MAGED2: variants seen among roughly 807,000 people sequenced by gnomAD.
MAGED2 encodes the protein MAGE family member D2, also known as melanoma-associated antigen D2.
In MAGED2, 6 loss-of-function variants were observed where a neutral mutation model predicts 41.7. The observed-to-expected ratio is 0.14, with a 90% CI of 0.08 to 0.28. The LOEUF (loss-of-function observed/expected upper bound fraction) is 0.28. Among genes scored for constraint, MAGED2 ranks in the 10% least tolerant of loss-of-function variants. The pLI, the probability that MAGED2 is intolerant of heterozygous loss-of-function variation, is 1.00. For synonymous variants in MAGED2, 146 were observed against 178.2 expected, an observed-to-expected ratio of 0.82 and a Z score of 1.44; for missense variants, 343 against 486.4, an observed-to-expected ratio of 0.71 and a Z score of 2.77.
chrX:54,809,665 AT>A, intron 2 of MAGED2, 56 bp from the exon 3 acceptor site: 1 of 1,161,540 alleles, frequency 8.6e-7, no homozygotes, highest in Non-Finnish European at 1.1e-6. Context: ...TTTTGGAGCC[AT>A]TTGCTTAGTT....
intron 1 of MAGED2, chrX:54,808,931 G>A: frequency 4.2e-6 from 1 of 236,216 alleles, no homozygotes; most frequent in Non-Finnish European, 7.9e-6. Flanking sequence ...AGAGCCAGCT[G>A]CTGAATGCGC....
chrX:54,813,625 G>A (rs1424390979), intron 10 of MAGED2, 75 bp downstream of exon 10: 1 of 809,094 alleles, frequency 1.2e-6, no homozygotes, highest in Non-Finnish European at 1.9e-6. Context: ...AAGCCGTGGT[G>A]CATGGATGCA....
chrX:54,811,067 C>A lies in MAGED2; in HGVS notation c.784C>A (p.Leu262Ile). Residue 262 changes from leucine to isoleucine, a missense_variant, in exon 4 of 13, where the codon CTC (leucine) becomes ATC (isoleucine). By Grantham distance (5) the Leu-to-Ile change is conservative. This residue lies in a region of MAGED2 where 195 missense variants were observed against 221.2 expected (regional missense o/e 0.88). Coordinates refer to ENST00000375068, the MANE Select transcript of MAGED2 (RefSeq NM_177433.3). Reference protein sequence around the residue: ...RGKARRRAAKLQSSQEPEAPP... With the variant: ...RGKARRRAAKIQSSQEPEAPP... Reference sequence around the variant, plus strand: ...CAAGGCTCGCCGTAGAGCTGCCAAGCTCCAGTCATCCCAAGAGCCTGAAGC... The same window carrying A: ...CAAGGCTCGCCGTAGAGCTGCCAAGATCCAGTCATCCCAAGAGCCTGAAGC... The A allele has an allele frequency of 8.3e-7, 1 of 1,200,661 alleles. No individual in the cohort carries two copies. Among genetic ancestry groups the A allele is most frequent in the Non-Finnish European group, 1.1e-6 (1 of 889,656 alleles).
intron 10 of MAGED2, chrX:54,814,234 A>G: frequency 1.7e-5 from 5 of 292,616 alleles, no homozygotes; most frequent in South Asian, 1.6e-4. Context: ...GCACACAGAA[A>G]CACACACAAA....
At position 54,811,625 on chromosome X, in the gene MAGED2, T is replaced by C; in HGVS notation, c.962T>C (p.Ile321Thr). The C allele has an allele frequency of 8.3e-7, 1 of 1,208,760 alleles. No homozygotes were observed. The highest frequency in any genetic ancestry group is 1.1e-6 in the Non-Finnish European group (1 of 892,812). ...KEYTDVYPEI[I>T]ERAGYSLEKV... Reference sequence around the variant, plus strand: ...TACACTGATGTGTACCCCGAAATCATTGAACGAGCAGGCTATTCCTTGGAG... The same window carrying C: ...TACACTGATGTGTACCCCGAAATCACTGAACGAGCAGGCTATTCCTTGGAG... The change falls in exon 6 of 13, where the codon ATT becomes ACT. Residue 321 changes from isoleucine (I) to threonine (T), a missense_variant. This residue lies in a region of MAGED2 where 95 missense variants were observed against 204.8 expected (regional missense o/e 0.46). Transcript: ENST00000375068.
In MAGED2 at chrX:54,812,658, A is replaced by G. The variant is rs192752960; in HGVS notation, c.1086-287A>G. Among the ~76,000 whole-genome samples, 2,639 of 112,240 alleles carry G rather than the reference A, an allele frequency of 0.024. 53 individuals carry two copies. The highest frequency in any genetic ancestry group is 0.081 in the African/African-American group (2,502 of 30,827). On this transcript the variant is annotated intron_variant, in intron 7 of 12. Transcript: ENST00000375068. Reference sequence around the variant, plus strand: ...GGCTGAAGGTTCTGGGACAGAAAGAAGGGACTCACATTGACTGAGTGCTTG... The same window carrying G: ...GGCTGAAGGTTCTGGGACAGAAAGAGGGGACTCACATTGACTGAGTGCTTG...
rs757663000 is a variant in MAGED2 at position 54,815,569 on chromosome X, A to G, written c.1708A>G (p.Ser570Gly). ...SASASTSGGF[S>G]AGASLTATLT... ...CAGTGCCAGCACCAGTGGTGGCTTC[A>G]GTGCTGGTGCCAGCCTGACCGCCAC... The change falls in exon 12 of 13, where the codon AGT (serine) becomes GGT (glycine). Residue 570 changes from serine (S) to glycine (G), a missense_variant. Ser to Gly is a moderately conservative substitution (Grantham distance 56, BLOSUM62 0). This residue lies in a region of MAGED2 where 53 missense variants were observed against 60.4 expected (regional missense o/e 0.88). Coordinates refer to ENST00000375068, the MANE Select transcript of MAGED2 (RefSeq NM_177433.3). 6.5e-5 allele frequency: 76 copies of G among 1,170,145 alleles called. No individual in the cohort carries two copies. The highest frequency in any genetic ancestry group is 8.7e-5 in the Non-Finnish European group (76 of 873,685).
chrX:54,811,702 G>C, intron 6 of MAGED2, 49 bp downstream of exon 6: 4 of 944,725 alleles, frequency 4.2e-6, no homozygotes, highest in Non-Finnish European at 6.1e-6. Context: ...GCCTTGAATT[G>C]AACAAAAATG....
rs749305354 is a variant in MAGED2 at position 54,811,615 on chromosome X, C to T, written c.952C>T (p.Pro318Ser). The T allele has an allele frequency of 4.1e-6, 5 of 1,209,641 alleles. No homozygotes were observed. The East Asian group carries it at 1.2e-4, about 29-fold the overall frequency. ...DIIKEYTDVY[P>S]EIIERAGYSL... Reference sequence around the variant, plus strand: ...CATCAAAGAATACACTGATGTGTACCCCGAAATCATTGAACGAGCAGGCTA... The same window carrying T: ...CATCAAAGAATACACTGATGTGTACTCCGAAATCATTGAACGAGCAGGCTA... Residue 318 changes from proline (P) to serine (S), a missense_variant, in exon 6 of 13, where the codon CCC becomes TCC. Coordinates refer to ENST00000375068, the MANE Select transcript of MAGED2 (RefSeq NM_177433.3).
Position 54,810,092 on chromosome X carries a change from A to G in MAGED2, c.416A>G (p.Gln139Arg), listed in dbSNP as rs1929755408. Residue 139 changes from glutamine to arginine, a missense_variant, in exon 3 of 13, where the codon CAG becomes CGG. By Grantham distance (43) the Gln-to-Arg change is conservative. Around this residue, in one of 3 missense-constraint regions of MAGED2, gnomAD observed 195 missense variants for 221.2 expected, o/e 0.88. Coordinates refer to ENST00000375068, the MANE Select transcript of MAGED2 (RefSeq NM_177433.3). Reference protein sequence around the residue: ...VADTKVNTKAQETEAAPSQAP... With the variant: ...VADTKVNTKARETEAAPSQAP... ...GATACAAAGGTCAATACAAAGGCTC[A>G]GGAGACTGAGGCTGCACCCTCTCAG... The G allele has an allele frequency of 2.5e-6, 3 of 1,207,320 alleles. No homozygotes were observed. The East Asian group carries it at 8.9e-5, about 36-fold the overall frequency.
intron 1 of MAGED2, 122 bp from the exon 2 acceptor site, chrX:54,809,181 G>A (rs1029947550): frequency 4.0e-6 from 2 of 505,523 alleles, no homozygotes; most frequent in Non-Finnish European, 7.1e-6. Flanking sequence ...GAACGGAGTC[G>A]TTGGGGGTGG....
chrX:54,813,952 G>A (rs67033507), intron 10 of MAGED2, among the ~76,000 whole-genome samples: 7,119 of 112,260 alleles, frequency 0.063, 360 homozygotes, highest in African/African-American at 0.17. Context: ...ATTAATTTCC[G>A]TAAAGAAATG....
In MAGED2 at chrX:54,815,237, T is replaced by C; in HGVS notation, c.1387-11T>C. 3 of 1,143,080 alleles carry C rather than the reference T, an allele frequency of 2.6e-6. No homozygotes were observed. Among genetic ancestry groups the C allele is most frequent in the Non-Finnish European group, 3.5e-6 (3 of 862,987 alleles). The allele number at this position is 1,143,080 out of a possible 1,213,427, so 94.2% of individuals were successfully genotyped here. A position where few individuals can be genotyped will look rare whatever the true frequency, so the allele number is the denominator to read the frequency against. On this transcript the variant is annotated splice_polypyrimidine_tract_variant and intron_variant, in intron 11 of 12. Coordinates refer to ENST00000375068, the MANE Select transcript of MAGED2 (RefSeq NM_177433.3). ...CCTCTATGCTCCTTCTGATGGTTAT[T>C]TTTGTTTCAGGTACAAAAGAAGGAT... is the stretch of plus-strand genomic sequence containing the variant.
At chrX:54,814,908 A>G in intron 11 of MAGED2, 133 bp downstream of exon 11, 1 of 484,860 alleles carries the variant, frequency 2.1e-6, no homozygotes, top group Non-Finnish European at 3.5e-6. Flanking sequence ...AAAACACTGT[A>G]ACAGGCACTT....
chrX:54,814,913 G>T (rs1479007607), intron 11 of MAGED2, 138 bp downstream of exon 11: 3 of 476,091 alleles, frequency 6.3e-6, no homozygotes, highest in Middle Eastern at 5.6e-4. Flanking sequence ...ACTGTAACAG[G>T]CACTTTATCT....
chrX:54,808,671 G>A (rs1929692648), intron 1 of MAGED2, among the ~76,000 whole-genome samples: 1 of 110,886 alleles, frequency 9.0e-6, no homozygotes, highest in Admixed American at 9.5e-5. Flanking sequence ...GGAGGGGGGC[G>A]TGTTAGGAAG....
chrX:54,807,759 G>T lies in MAGED2; in HGVS notation c.-73G>T, dbSNP rs900069353. The T allele has an allele frequency of 8.8e-6, 1 of 113,021 alleles. No individual in the cohort carries two copies. The highest frequency in any genetic ancestry group is 1.9e-5 in the Non-Finnish European group (1 of 53,121). 9.3% of individuals were successfully genotyped at this position (113,021 alleles called of 1,213,427 possible). ...TCCAGGAGGCTGAGACTTCGAGAGG[G>T]ACTTAGAGAAGGCAGACGCATCCCG... is the stretch of plus-strand genomic sequence containing the variant. On this transcript the variant is annotated 5_prime_UTR_variant, in exon 1 of 13. Transcript: ENST00000375068.
Position 54,811,307 on chromosome X carries a change from C to T in MAGED2, c.904C>T (p.Arg302Cys), listed in dbSNP as rs1326522151. The T allele has an allele frequency of 1.7e-6, 2 of 1,209,570 alleles. No individual in the cohort carries two copies. Among genetic ancestry groups the T allele is most frequent in the Non-Finnish European group, 1.1e-6 (1 of 893,329 alleles). Residue 302 changes from arginine (R) to cysteine (C), a missense_variant, in exon 5 of 13, where the codon CGC becomes TGC. Arg to Cys is a radical substitution (Grantham distance 180, BLOSUM62 -3). Around this residue, in one of 3 missense-constraint regions of MAGED2, gnomAD observed 95 missense variants for 204.8 expected, o/e 0.46. Coordinates refer to ENST00000375068, the MANE Select transcript of MAGED2 (RefSeq NM_177433.3). The part of the protein sequence containing the change: ...AKDQTKIPIK[R>C]SDMLKDIIKE... ...AGACCAGACGAAGATTCCCATCAAG[C>T]GCTCGGGTAAAGTCCTACCAATCCT...
intron 7 of MAGED2, 59 bp from the exon 8 acceptor site, chrX:54,812,886 G>C: frequency 1.1e-6 from 1 of 885,446 alleles, no homozygotes; most frequent in Non-Finnish European, 1.6e-6. Flanking sequence ...TGAGTTGGCT[G>C]GTGTGTCTGT....
Sources: allele counts gnomAD v4.1 joint callset (sites outside exome capture counted in the v4.1 genomes callset), GRCh38; gene constraint gnomAD v4.1.1; regional missense constraint gnomAD v4.1.1; transcripts MANE v1.5; gene names NCBI Gene and HGNC (gene_info 2026-07-23, HGNC 2026-07-21).